NXN: variants seen among roughly 807,000 people sequenced by gnomAD.
The protein encoded by NXN is nucleoredoxin.
In NXN, 16 loss-of-function variants were observed where a neutral mutation model predicts 48.6. That is an observed-to-expected ratio of 0.33 (90% confidence interval 0.22 to 0.50). NXN has a LOEUF of 0.50. Among genes scored for constraint, NXN ranks in the 20% least tolerant of loss-of-function variants. The probability of loss-of-function intolerance (pLI) is 0.98; values close to 1 mark genes in which losing one functional copy is unlikely to be tolerated. For synonymous variants in NXN, 281 were observed against 269.6 expected, an observed-to-expected ratio of 1.04 and a Z score of -0.41; for missense variants, 492 against 605.5, an observed-to-expected ratio of 0.81 and a Z score of 1.97.
chr17:843,810 T>C (rs936149466), intron 1 of NXN, among the ~76,000 whole-genome samples: 3 of 152,142 alleles, frequency 2.0e-5, no homozygotes, highest in Admixed American at 2.0e-4. Context: ...TGCAGCGTCT[T>C]TGGGAGATGG....
chr17:889,670 G>A (rs2068388028), intron 1 of NXN, among the ~76,000 whole-genome samples: 1 of 148,830 alleles, frequency 6.7e-6, no homozygotes, highest in African/African-American at 2.5e-5. Flanking sequence ...GAGCGAGACT[G>A]TGAAAGAAAA....
chr17:818,469 A>C (rs1256414059), intron 5 of NXN, among the ~76,000 whole-genome samples: 1 of 152,174 alleles, frequency 6.6e-6, no homozygotes, highest in Non-Finnish European at 1.5e-5. Context: ...AAGGAAACTG[A>C]GGCCCAAAGA....
At chr17:966,410 C>T (rs561199153) in intron 1 of NXN, among the ~76,000 whole-genome samples, 3 of 152,062 alleles carry the variant, frequency 2.0e-5, no homozygotes, top group East Asian at 1.9e-4. Context: ...CGCAGTGGCA[C>T]GAATTTGGCT....
Position 979,774 on chromosome 17 carries a change from A to G in NXN, c.-96T>C. The G allele has an allele frequency of 1.9e-6, 2 of 1,062,118 alleles. No individual in the cohort carries two copies. Among genetic ancestry groups the G allele is most frequent in the Non-Finnish European group, 2.4e-6 (2 of 835,956 alleles). The allele number at this position is 1,062,118 out of a possible 1,614,324, so 65.8% of individuals were successfully genotyped here. A position where few individuals can be genotyped will look rare whatever the true frequency, so the allele number is the denominator to read the frequency against. On this transcript the variant is annotated 5_prime_UTR_variant, in exon 1 of 8. Transcript: ENST00000336868. ...GGCGTCGGCGGCAGGCGCTGGGGAG[A>G]GCAGAGCCCGGCCCAGTAGGGCCGC... is the stretch of plus-strand genomic sequence containing the variant.
At chr17:878,820 C>T (rs1001259220) in intron 1 of NXN, among the ~76,000 whole-genome samples, 1 of 152,132 alleles carries the variant, frequency 6.6e-6, no homozygotes, top group Non-Finnish European at 1.5e-5. Context: ...AAAAAACACG[C>T]AGAGCCAGTT....
chr17:957,493 G>C (rs1203340820), intron 1 of NXN, among the ~76,000 whole-genome samples: 1 of 152,050 alleles, frequency 6.6e-6, no homozygotes, highest in South Asian at 2.1e-4. Context: ...TTACCTGAGC[G>C]TGGTGGTGCA....
intron 1 of NXN, among the ~76,000 whole-genome samples, chr17:884,349 G>C (rs1376347584): frequency 1.3e-5 from 2 of 152,170 alleles, no homozygotes; most frequent in African/African-American, 4.8e-5. Context: ...AGGTGACAGT[G>C]AGCTATGACT....
At chr17:834,790 G>A (rs1323634121) in intron 1 of NXN, among the ~76,000 whole-genome samples, 1 of 151,790 alleles carries the variant, frequency 6.6e-6, no homozygotes. Flanking sequence ...CAAAGTGCTG[G>A]GATTACATGT....
chr17:915,392 T>TC (rs2068678322), intron 1 of NXN, among the ~76,000 whole-genome samples: 1 of 152,168 alleles, frequency 6.6e-6, no homozygotes, highest in Admixed American at 6.6e-5. Flanking sequence ...CAGACAATCC[T>TC]CCTGCCTCCG....
At position 912,032 on chromosome 17, in the gene NXN, A is replaced by G. The variant is rs187843026; in HGVS notation, c.360+67287T>C. Among the ~76,000 whole-genome samples the G allele has an allele frequency of 1.5e-3, 229 of 149,216 alleles. 1 individual carries two copies. The highest frequency in any genetic ancestry group is 2.5e-3 in the Non-Finnish European group (171 of 67,394). ...GGCTCACTGCAACCTCTGCCTCCCG[A>G]GTTCAAGTGATTCTCCTGCCTCAGC... On this transcript the variant is annotated intron_variant, in intron 1 of 7. Transcript: ENST00000336868.
chr17:921,619 G>A (rs907164507), intron 1 of NXN, among the ~76,000 whole-genome samples: 2 of 151,934 alleles, frequency 1.3e-5, no homozygotes, highest in African/African-American at 2.4e-5. Flanking sequence ...ACACCTGGCC[G>A]GCCCAGGCTC....
rs1307199692 is a variant in NXN at position 956,726 on chromosome 17, A to G, written c.360+22593T>C. Among the ~76,000 whole-genome samples the G allele has an allele frequency of 6.6e-6, 1 of 152,072 alleles. No individual in the cohort carries two copies. Among genetic ancestry groups the G allele is most frequent in the African/African-American group, 2.4e-5 (1 of 41,398 alleles). On this transcript the variant is annotated intron_variant, in intron 1 of 7. Coordinates refer to ENST00000336868, the MANE Select transcript of NXN (RefSeq NM_022463.5). This position sits in a 1 kb window ranked among gnomAD's most constrained non-coding sequence, Gnocchi z 4.1. ...CACCGCGCCTGGCCAAGAGCTTTTT[A>G]TATCAGTCATCGTCTTAAACCTCCA...
In NXN at chr17:932,026, C is replaced by A. The variant is rs1043688069; in HGVS notation, c.360+47293G>T. Among the ~76,000 whole-genome samples the A allele has an allele frequency of 6.0e-5, 9 of 149,538 alleles. No homozygotes were observed. Among genetic ancestry groups the A allele is most frequent in the African/African-American group, 2.3e-4 (9 of 39,170 alleles). On this transcript the variant is annotated intron_variant, in intron 1 of 7. Coordinates refer to ENST00000336868, the MANE Select transcript of NXN (RefSeq NM_022463.5). The surrounding 1 kb of genome is among the most constrained non-coding windows in gnomAD (Gnocchi z 4.1). ...AGGTGTGGTGGTGGGTGCCTATAAT[C>A]CCAGCTAATGGGGAGGCTGAGGCAG... is the stretch of plus-strand genomic sequence containing the variant.
At position 822,357 on chromosome 17, in the gene NXN, C is replaced by T; in HGVS notation, c.713G>A (p.Arg238Lys). ...CCCAGCACTTCACGGCACGACTGAC[C>T]TGTCTGCACTAACGAAGATGATCTC... ...NFEIIFVSAD[R>K]SEESFKQYFS... Residue 238 changes from arginine (R) to lysine (K), a missense_variant and splice_region_variant, in exon 4 of 8, where the codon AGG becomes AAG. By Grantham distance (26) the Arg-to-Lys change is conservative (BLOSUM62 2). Transcript: ENST00000336868. 1.2e-6 allele frequency: 2 copies of T among 1,610,948 alleles called. No individual in the cohort carries two copies. The highest frequency in any genetic ancestry group is 1.7e-6 in the Non-Finnish European group (2 of 1,177,214).
intron 1 of NXN, among the ~76,000 whole-genome samples, chr17:908,517 C>A (rs113587781): frequency 0.022 from 3,298 of 152,196 alleles, 118 homozygotes; most frequent in African/African-American, 0.075. Context: ...GCCTGGGCAA[C>A]AGAACGAGAC....
chr17:919,956 C>T lies in NXN; in HGVS notation c.360+59363G>A, dbSNP rs567630503. On this transcript the variant is annotated intron_variant, in intron 1 of 7. Coordinates refer to ENST00000336868, the MANE Select transcript of NXN (RefSeq NM_022463.5). This position sits in a 1 kb window ranked among gnomAD's most constrained non-coding sequence, Gnocchi z 5.1. The stretch of plus-strand genomic sequence containing the variant: ...CATCTCTCTCTGCCTCAGCCCCCAC[C>T]GGCACCCTTGGTGCCTTCATCACCC... Among the ~76,000 whole-genome samples, 232 of 151,678 alleles carry T rather than the reference C, an allele frequency of 1.5e-3. 1 individual carries two copies. Among genetic ancestry groups the T allele is most frequent in the Non-Finnish European group, 2.5e-3 (169 of 67,596 alleles).
Position 819,457 on chromosome 17 carries a change from G to T in NXN, c.802C>A (p.Arg268=). ...TDEARRSRLN[R]LYGIQGIPTL... The stretch of plus-strand genomic sequence containing the variant: ...CGCCTACCTTGGATTCCGTACAGCC[G>T]GTTGAGGCGCGACCGCCGGGCCTCA... The change falls in exon 5 of 8, where the codon CGG becomes AGG. Residue 268 remains arginine, a synonymous_variant. Transcript: ENST00000336868. 6.2e-7 allele frequency: 1 copy of T among 1,614,054 alleles called. No individual in the cohort carries two copies. Among genetic ancestry groups the T allele is most frequent in the Non-Finnish European group, 8.5e-7 (1 of 1,179,944 alleles).
At chr17:816,205 C>T (rs1412242748) in intron 5 of NXN, among the ~76,000 whole-genome samples, 1 of 152,172 alleles carries the variant, frequency 6.6e-6, no homozygotes, top group Non-Finnish European at 1.5e-5. Flanking sequence ...TACAATCAGG[C>T]AGTCACGTCG....
At chr17:882,420 C>T (rs553373235) in intron 1 of NXN, among the ~76,000 whole-genome samples, 9 of 152,176 alleles carry the variant, frequency 5.9e-5, no homozygotes, top group Non-Finnish European at 1.2e-4. Context: ...AGCCCTCCCC[C>T]GTCTCTGCCC....
Sources: allele counts gnomAD v4.1 joint callset (sites outside exome capture counted in the v4.1 genomes callset), GRCh38; gene constraint gnomAD v4.1.1; non-coding constraint Gnocchi (gnomAD v3.1); transcripts MANE v1.5; gene names NCBI Gene and HGNC (gene_info 2026-07-23, HGNC 2026-07-21).